The following SIN3A variants were observed in gnomAD, a reference collection of about 807,000 sequenced individuals.
SIN3A encodes SIN3 transcription regulator family member A.
A neutral mutation model predicts 146.1 loss-of-function variants in SIN3A; 14 were observed. The observed-to-expected ratio is 0.10, with a 90% CI of 0.06 to 0.15. The LOEUF (loss-of-function observed/expected upper bound fraction) is 0.15. SIN3A is among the 10% of genes least tolerant of loss of function. SIN3A has a pLI of 1.00. For synonymous variants in SIN3A, 572 were observed against 572.0 expected (o/e 1.00, Z 0.00); for missense variants, 1,028 against 1,576.0 (o/e 0.65, Z 5.89).
chr15:75,423,054 TGA>T (rs992762372), intron 2 of SIN3A, among the ~76,000 whole-genome samples: 1 of 151,710 alleles, frequency 6.6e-6, no homozygotes, highest in Non-Finnish European at 1.5e-5. Flanking sequence ...GGCCACAGAG[TGA>T]GACCACGTCT....
chr15:75,399,165 A>C (rs1305409626), intron 12 of SIN3A, among the ~76,000 whole-genome samples: 1 of 152,028 alleles, frequency 6.6e-6, no homozygotes, highest in African/African-American at 2.4e-5. Context: ...GGCTGCAATG[A>C]ACTGTGATTG....
At chr15:75,379,755 A>T (rs1229442646) in intron 19 of SIN3A, among the ~76,000 whole-genome samples, 1 of 152,264 alleles carries the variant, frequency 6.6e-6, no homozygotes, top group African/African-American at 2.4e-5. Context: ...GAAGGAAGAA[A>T]GCCATTCTAC....
chr15:75,382,672 T>G (rs2072996265), intron 17 of SIN3A, among the ~76,000 whole-genome samples: 1 of 152,328 alleles, frequency 6.6e-6, no homozygotes, highest in East Asian at 1.9e-4. Flanking sequence ...TCCGGTCAGA[T>G]GCAGTGGCTC....
chr15:75,455,725 C>A (rs2074478845), upstream of SIN3A: 2 of 152,230 alleles, frequency 1.3e-5, no homozygotes, highest in Non-Finnish European at 2.9e-5. Context: ...GAGCGGCCGG[C>A]GGACTAGCCC....
intron 20 of SIN3A, among the ~76,000 whole-genome samples, chr15:75,373,126 T>A (rs1031849260): frequency 3.9e-5 from 6 of 152,272 alleles, no homozygotes; most frequent in African/African-American, 1.4e-4. Flanking sequence ...GGTGTCCACA[T>A]GCAAGGATAC....
chr15:75,380,186 G>A, intron 19 of SIN3A, among the ~76,000 whole-genome samples: 1 of 152,202 alleles, frequency 6.6e-6, no homozygotes, highest in East Asian at 1.9e-4. Context: ...CACATTCATT[G>A]TTGGAAGAAT....
chr15:75,387,120 A>C (rs543681420), intron 16 of SIN3A, among the ~76,000 whole-genome samples: 1 of 152,306 alleles, frequency 6.6e-6, no homozygotes, highest in East Asian at 1.9e-4. Flanking sequence ...ACTTTGAAAT[A>C]TATGTTGTAC....
chr15:75,429,754 G>C (rs1319237681), intron 2 of SIN3A, among the ~76,000 whole-genome samples: 1 of 152,118 alleles, frequency 6.6e-6, no homozygotes, highest in Non-Finnish European at 1.5e-5. Flanking sequence ...GTATATGCAT[G>C]TAATTTACAC....
chr15:75,442,617 TA>T (rs374599694), intron 1 of SIN3A, among the ~76,000 whole-genome samples: 1,999 of 123,026 alleles, frequency 0.016, 40 homozygotes, highest in African/African-American at 0.056. Flanking sequence ...ATCCCATCTT[TA>T]AAAAAAAAAA....
At chr15:75,400,477 C>T (rs984114262) in intron 11 of SIN3A, among the ~76,000 whole-genome samples, 5 of 152,100 alleles carry the variant, frequency 3.3e-5, no homozygotes, top group Non-Finnish European at 4.4e-5. Context: ...GTCCCAGGTA[C>T]TTGGGAGGAT....
rs143312992 is a variant in SIN3A, at chr15:75,401,926, T to C, written c.1452A>G (p.Leu484=). The C allele has an allele frequency of 1.5e-5, 24 of 1,613,774 alleles. No homozygotes were observed. The African/African-American group carries it at 2.0e-4, about 13-fold the overall frequency. The part of the protein sequence containing the change: ...LRSAEAYENF[L]RCLVIFNQEV... ...CCTGGTTAAAAATAACAAGACAGCG[T>C]AGGAAATTTTCGTAGGCTTCTGCAC... Residue 484 remains leucine, a synonymous_variant, in exon 10 of 21, where the codon CTA becomes CTG. Transcript: ENST00000394947.
intron 2 of SIN3A, among the ~76,000 whole-genome samples, chr15:75,423,128 C>A (rs2073867147): frequency 6.6e-6 from 1 of 151,806 alleles, no homozygotes; most frequent in African/African-American, 2.4e-5. Context: ...AAAATAAAAA[C>A]TTGGCCAGGC....
At chr15:75,402,584 C>T (rs2073431292) in intron 9 of SIN3A, among the ~76,000 whole-genome samples, 1 of 151,996 alleles carries the variant, frequency 6.6e-6, no homozygotes. Flanking sequence ...AAGGAATCAA[C>T]GTTAGTGTTT....
Position 75,389,827 on chromosome 15 carries a change from G to A in SIN3A, c.2852-6C>T, listed in dbSNP as rs760515812. 105 of 1,613,602 alleles carry A rather than the reference G, an allele frequency of 6.5e-5. No homozygotes were observed. Among genetic ancestry groups the A allele is most frequent in the Non-Finnish European group, 8.8e-5 (104 of 1,179,728 alleles). ...ATCTTCTACATCAACATCCACTGTG[G>A]GAGAGATGGGATTGGTGAGGCCTTA... On this transcript the variant is annotated splice_region_variant and splice_polypyrimidine_tract_variant and intron_variant, in intron 15 of 20. Transcript: ENST00000394947.
In SIN3A at chr15:75,369,727, T is replaced by A. The variant is rs2072692625; in HGVS notation, c.*2252A>T. The A allele has an allele frequency of 1.3e-5, 2 of 152,254 alleles. No homozygotes were observed. Among genetic ancestry groups the A allele is most frequent in the South Asian group, 4.1e-4 (2 of 4,832 alleles). The allele number at this position is 152,254 out of a possible 1,614,324, so 9.4% of individuals were successfully genotyped here. On this transcript the variant is annotated 3_prime_UTR_variant, in exon 21 of 21. Coordinates refer to ENST00000394947, the MANE Select transcript of SIN3A (RefSeq NM_001145358.2). ...GGGCAGCAACAGCTGGGGCTGACCC[T>A]GATCACACCCCACCAATTTCCCCTA... is the stretch of plus-strand genomic sequence containing the variant.
rs2073033609 is a variant in SIN3A, at chr15:75,383,957, T to C, written c.3195+307A>G. The C allele has an allele frequency of 1.8e-5, 3 of 167,290 alleles. No individual in the cohort carries two copies. In the Admixed American group the frequency reaches 1.9e-4, roughly 10 times the overall value. The allele number at this position is 167,290 out of a possible 1,614,324, so 10.4% of individuals were successfully genotyped here. ...ATAATGATCATGACCATGGATTTCA[T>C]GTACCAACATTTTTCTAACAATAAT... On this transcript the variant is annotated intron_variant, in intron 17 of 20. Transcript: ENST00000394947.
intron 13 of SIN3A, among the ~76,000 whole-genome samples, chr15:75,396,027 A>T (rs1042193302): frequency 6.6e-6 from 1 of 152,182 alleles, no homozygotes; most frequent in Non-Finnish European, 1.5e-5. Flanking sequence ...ATACTCCCCC[A>T]AACATACACA....
At chr15:75,414,931 C>G (rs2073705826) in intron 3 of SIN3A, among the ~76,000 whole-genome samples, 1 of 151,994 alleles carries the variant, frequency 6.6e-6, no homozygotes, top group South Asian at 2.1e-4. Flanking sequence ...AATCTGAAAA[C>G]AGTTTAGTTT....
At position 75,372,013 on chromosome 15, in the gene SIN3A, C is replaced by G; in HGVS notation, c.3788G>C (p.Arg1263Pro). ...TTTGAATACTGTGCCGTATTTGACACGATACTTGTTAATGCTCACAAAATG... is the reference window on the plus strand; with the variant it reads ...TTTGAATACTGTGCCGTATTTGACAGGATACTTGTTAATGCTCACAAAATG... The part of the protein sequence containing the change: ...TLHFVSINKY[R>P]VKYGTVFKAP The change falls in exon 21 of 21, where the codon CGT becomes CCT. Residue 1263 changes from arginine to proline, a missense_variant. This residue lies in a region of SIN3A where 488 missense variants were observed against 690.2 expected (regional missense o/e 0.71). Coordinates refer to ENST00000394947, the MANE Select transcript of SIN3A (RefSeq NM_001145358.2). 1 of 1,614,200 alleles carries G rather than the reference C, an allele frequency of 6.2e-7. No homozygotes were observed. The highest frequency in any genetic ancestry group is 8.5e-7 in the Non-Finnish European group (1 of 1,180,048).
Sources: gnomAD v4.1 joint callset for allele counts (sites outside exome capture counted in the v4.1 genomes callset) on GRCh38, gnomAD v4.1.1 for gene constraint, gnomAD v4.1.1 regional missense constraint, MANE v1.5 for transcripts, NCBI Gene and HGNC (gene_info 2026-07-23, HGNC 2026-07-21) for gene names.